The following LDLRAD3 variants were observed in gnomAD, a reference collection of about 807,000 sequenced individuals.
The protein encoded by LDLRAD3 is low-density lipoprotein receptor class A domain-containing protein 3.
Under a neutral mutation model 29.4 loss-of-function variants are expected in LDLRAD3, and 20 were observed. That is an observed-to-expected ratio of 0.68 (90% CI 0.48 to 0.99). The LOEUF is 0.99. LDLRAD3 is among the 50% of genes least tolerant of loss of function. The probability of loss-of-function intolerance (pLI) is 0.00; values close to 1 mark genes in which losing one functional copy is unlikely to be tolerated. For missense variants in LDLRAD3, 420 were observed against 454.3 expected (o/e 0.92, Z 0.69); for synonymous variants, 157 against 192.7 (o/e 0.81, Z 1.53).
At chr11:36,061,255 C>T (rs1295299589) in intron 2 of LDLRAD3, among the ~76,000 whole-genome samples, 2 of 152,204 alleles carry the variant, frequency 1.3e-5, no homozygotes, top group South Asian at 2.1e-4. Context: ...TCTTCTGCCT[C>T]AGCCTCCTGA....
chr11:36,159,238 C>T (rs1362441779), intron 4 of LDLRAD3, among the ~76,000 whole-genome samples: 2 of 152,054 alleles, frequency 1.3e-5, no homozygotes, highest in African/African-American at 2.4e-5. Context: ...ACACGAAGGC[C>T]GAAGCATCGC....
intron 1 of LDLRAD3, among the ~76,000 whole-genome samples, chr11:35,981,655 A>T (rs977946691): frequency 6.6e-6 from 1 of 152,178 alleles, no homozygotes; most frequent in Non-Finnish European, 1.5e-5. Flanking sequence ...AGTCGATTTC[A>T]GTAGGGCCTT....
intron 4 of LDLRAD3, among the ~76,000 whole-genome samples, chr11:36,202,971 C>G (rs2133375667): frequency 6.6e-6 from 1 of 152,226 alleles, no homozygotes; most frequent in Middle Eastern, 3.4e-3. Flanking sequence ...GAGTCTTGCT[C>G]TGTCGCCCAG....
At chr11:36,083,780 A>ACACCC (rs1341157355) in intron 3 of LDLRAD3, among the ~76,000 whole-genome samples, 2 of 74,856 alleles carry the variant, frequency 2.7e-5, no homozygotes, top group African/African-American at 9.8e-5. Context: ...ACACACACAC[A>ACACCC]CCCCAGAATA....
intron 3 of LDLRAD3, among the ~76,000 whole-genome samples, chr11:36,083,661 C>G (rs763711949): frequency 6.6e-6 from 1 of 151,194 alleles, no homozygotes; most frequent in Non-Finnish European, 1.5e-5. Flanking sequence ...TTTAGTTAAT[C>G]CTTTAGTAAG....
At chr11:35,967,108 G>T (rs1027576683) in intron 1 of LDLRAD3, 1 of 195,606 alleles carries the variant, frequency 5.1e-6, no homozygotes, top group South Asian at 1.1e-4. Context: ...TGGTCCCAAA[G>T]ACCCGAGGGT....
At chr11:36,108,437 G>A (rs894149883) in intron 4 of LDLRAD3, among the ~76,000 whole-genome samples, 31 of 151,494 alleles carry the variant, frequency 2.0e-4, no homozygotes, top group African/African-American at 6.8e-4. Flanking sequence ...GACAAATGTG[G>A]TCTCTGCTCT....
chr11:36,209,967 A>C (rs1855262132), intron 4 of LDLRAD3, among the ~76,000 whole-genome samples: 1 of 152,278 alleles, frequency 6.6e-6, no homozygotes, highest in Non-Finnish European at 1.5e-5. Flanking sequence ...GGGGAAGCCC[A>C]TGGCTAGGAG....
chr11:35,992,139 C>T (rs1250057892), intron 1 of LDLRAD3, among the ~76,000 whole-genome samples: 1 of 152,108 alleles, frequency 6.6e-6, no homozygotes, highest in Non-Finnish European at 1.5e-5. Context: ...GGTTAGATTT[C>T]TCTGAAATGA....
At chr11:36,042,175 G>T (rs1852391570) in intron 2 of LDLRAD3, among the ~76,000 whole-genome samples, 1 of 151,966 alleles carries the variant, frequency 6.6e-6, no homozygotes, top group Non-Finnish European at 1.5e-5. Flanking sequence ...TTCCTTTTTA[G>T]CATCTGCCTC....
At chr11:35,992,566 A>G (rs556755790) in intron 1 of LDLRAD3, among the ~76,000 whole-genome samples, 2 of 152,354 alleles carry the variant, frequency 1.3e-5, no homozygotes, top group East Asian at 3.9e-4. Context: ...CCTTGGAAAT[A>G]TTATGCTAAA....
At chr11:36,031,182 A>T (rs1852231435) in intron 1 of LDLRAD3, among the ~76,000 whole-genome samples, 1 of 152,146 alleles carries the variant, frequency 6.6e-6, no homozygotes, top group Non-Finnish European at 1.5e-5. Flanking sequence ...CTTAATGAAA[A>T]AAAGAGAAGG....
In LDLRAD3 at chr11:35,944,293, G is replaced by T; in HGVS notation, c.46+149G>T. On this transcript the variant is annotated intron_variant, in intron 1 of 5. Coordinates refer to ENST00000315571, the MANE Select transcript of LDLRAD3 (RefSeq NM_174902.4). This position sits in a 1 kb window ranked among gnomAD's most constrained non-coding sequence, Gnocchi z 4.9. Reference sequence around the variant, plus strand: ...GGAGGGCGGACCCCGGCGCCGGGCTGGCCCGGACCCTGCCGAGGGGCCGCC... The same window carrying T: ...GGAGGGCGGACCCCGGCGCCGGGCTTGCCCGGACCCTGCCGAGGGGCCGCC... 1.1e-5 allele frequency: 4 copies of T among 358,668 alleles called. No individual in the cohort carries two copies. Among genetic ancestry groups the T allele is most frequent in the Non-Finnish European group, 1.6e-5 (4 of 256,138 alleles). 22.2% of individuals were successfully genotyped at this position (358,668 alleles called of 1,614,324 possible).
At chr11:36,095,169 G>T (rs1235281065) in intron 3 of LDLRAD3, among the ~76,000 whole-genome samples, 1 of 152,218 alleles carries the variant, frequency 6.6e-6, no homozygotes, top group Non-Finnish European at 1.5e-5. Context: ...CGGTGACTGA[G>T]ACCCTGTTTC....
At chr11:36,179,741 C>A (rs1321673775) in intron 4 of LDLRAD3, among the ~76,000 whole-genome samples, 1 of 152,040 alleles carries the variant, frequency 6.6e-6, no homozygotes, top group African/African-American at 2.4e-5. Flanking sequence ...GCCTATAATT[C>A]CAGCACTTTG....
intron 4 of LDLRAD3, among the ~76,000 whole-genome samples, chr11:36,204,561 C>CA (rs1387846582): frequency 7.3e-5 from 11 of 150,266 alleles, no homozygotes; most frequent in African/African-American, 2.2e-4. Flanking sequence ...AATGGCTGCT[C>CA]ATTGCAACCT....
intron 4 of LDLRAD3, among the ~76,000 whole-genome samples, chr11:36,116,836 C>CT (rs1375616154): frequency 8.2e-6 from 1 of 121,436 alleles, no homozygotes; most frequent in East Asian, 2.4e-4. Flanking sequence ...CTTTCTTTTT[C>CT]TTTTTTTCTT....
intron 1 of LDLRAD3, chr11:35,968,603 T>G: frequency 5.5e-6 from 1 of 182,688 alleles, no homozygotes. Context: ...GCTCTGGGCC[T>G]CCCTGCTTCC....
rs745363307 is a variant in LDLRAD3, at chr11:36,227,229, G to C, written c.599G>C (p.Arg200Pro). 5 of 1,614,192 alleles carry C rather than the reference G, an allele frequency of 3.1e-6. No homozygotes were observed. Among genetic ancestry groups the C allele is most frequent in the Non-Finnish European group, 4.2e-6 (5 of 1,180,034 alleles). The change falls in exon 5 of 6, where the codon CGG (arginine) becomes CCG (proline). Residue 200 changes from arginine to proline, a missense_variant. By Grantham distance (103) the Arg-to-Pro change is moderately radical (BLOSUM62 -2). Coordinates refer to ENST00000315571, the MANE Select transcript of LDLRAD3 (RefSeq NM_174902.4). ...CTGGTCTTGCACCACCAGCGGAAGC[G>C]GAACAACCTCATGACGCTGCCCGTG... ...LALVLHHQRKRNNLMTLPVHR... is the reference protein window; with the variant it reads ...LALVLHHQRKPNNLMTLPVHR...
Sources: allele counts gnomAD v4.1 joint callset (sites outside exome capture counted in the v4.1 genomes callset), GRCh38; gene constraint gnomAD v4.1.1; non-coding constraint Gnocchi (gnomAD v3.1); transcripts MANE v1.5; gene names NCBI Gene and HGNC (gene_info 2026-07-23, HGNC 2026-07-21).